MROH2B: variants seen among roughly 807,000 people sequenced by gnomAD.
MROH2B encodes maestro heat-like repeat-containing protein family member 2B.
Under a neutral mutation model 208.6 loss-of-function variants are expected in MROH2B, and 177 were observed. The observed-to-expected ratio is 0.85, with a 90% CI of 0.75 to 0.96. The LOEUF (loss-of-function observed/expected upper bound fraction) is 0.96. MROH2B is among the 40% of genes least tolerant of loss of function. The pLI, the probability that MROH2B is intolerant of heterozygous loss-of-function variation, is 0.00. For missense variants in MROH2B, 2,002 were observed against 1,878.7 expected (o/e 1.07, Z -1.21); for synonymous variants, 728 against 659.0 (o/e 1.10, Z -1.60).
intron 3 of MROH2B, among the ~76,000 whole-genome samples, 155 bp from the exon 4 acceptor site, chr5:41,065,645 AC>A (rs1743786052): frequency 6.6e-6 from 1 of 152,154 alleles, no homozygotes; most frequent in African/African-American, 2.4e-5. Flanking sequence ...ACATGGTTCA[AC>A]TGTGTAATGG....
intron 37 of MROH2B, among the ~76,000 whole-genome samples, chr5:41,003,739 A>G (rs1162978392): frequency 6.6e-6 from 1 of 152,216 alleles, no homozygotes; most frequent in African/African-American, 2.4e-5. Context: ...CTCCTCTGAC[A>G]ATACTACATG....
At chr5:41,029,655 T>A (rs545422942) in intron 24 of MROH2B, among the ~76,000 whole-genome samples, 58 of 152,000 alleles carry the variant, frequency 3.8e-4, no homozygotes, top group Non-Finnish European at 4.3e-4. Flanking sequence ...AATGTAAGAG[T>A]TAAAACTATT....
At chr5:41,054,579 G>T (rs906481387) in intron 11 of MROH2B, among the ~76,000 whole-genome samples, 188 bp downstream of exon 11, 1 of 152,096 alleles carries the variant, frequency 6.6e-6, no homozygotes, top group South Asian at 2.1e-4. Context: ...ACGTCCTTTA[G>T]CTGTGTGTAC....
chr5:41,001,806 A>G (rs1741408039), intron 37 of MROH2B, among the ~76,000 whole-genome samples: 1 of 152,152 alleles, frequency 6.6e-6, no homozygotes, highest in East Asian at 1.9e-4. Context: ...TACGTTTCAG[A>G]GTTCCGACAG....
chr5:41,024,094 A>C (rs1400607060), intron 24 of MROH2B, among the ~76,000 whole-genome samples: 1 of 152,232 alleles, frequency 6.6e-6, no homozygotes, highest in Non-Finnish European at 1.5e-5. Flanking sequence ...CAAATTGTAA[A>C]GACCATCAAG....
chr5:41,004,645 A>G, intron 36 of MROH2B, 117 bp from the exon 37 acceptor site: 1 of 1,513,184 alleles, frequency 6.6e-7, no homozygotes, highest in Non-Finnish European at 8.8e-7. Context: ...AGTTCAACCG[A>G]AGGACTACCA....
chr5:41,043,454 G>A (rs1169515268), intron 18 of MROH2B, among the ~76,000 whole-genome samples: 1 of 152,208 alleles, frequency 6.6e-6, no homozygotes, highest in African/African-American at 2.4e-5. Context: ...AAAGAATCTG[G>A]GAAAGTCTTG....
At chr5:41,062,286 C>T (rs929597409) in intron 5 of MROH2B, among the ~76,000 whole-genome samples, 1 of 152,048 alleles carries the variant, frequency 6.6e-6, no homozygotes, top group Non-Finnish European at 1.5e-5. Flanking sequence ...GCGATAACTC[C>T]ACAGAACAAC....
chr5:41,056,712 AGAT>A lies in MROH2B; in HGVS notation c.919+394_919+396del, dbSNP rs1476273955. Among the ~76,000 whole-genome samples the A allele has an allele frequency of 4.0e-5, 6 of 151,200 alleles. No individual in the cohort carries two copies. The East Asian group carries it at 1.2e-3, about 30-fold the overall frequency. On this transcript the variant is annotated intron_variant, in intron 9 of 41. Coordinates refer to ENST00000399564, the MANE Select transcript of MROH2B (RefSeq NM_173489.5). ...TGGTTAAAGAGGTGTAGACACTAAG[AGAT>A]GACCAGGAAGAGAAAAGGGTGACTT...
In MROH2B at chr5:41,015,425, C is replaced by T; in HGVS notation, c.2938G>A (p.Asp980Asn). ...LQGLQEGLES[D>N]DVQVQIKISS... ...ATCTTGATCTGAACCTGCACGTCAT[C>T]ACTTTCCAGCCCTTCCTGCAAACCC... Residue 980 changes from aspartate to asparagine, a missense_variant, in exon 29 of 42, where the codon GAT (aspartate) becomes AAT (asparagine). By Grantham distance (23) the Asp-to-Asn change is conservative. Transcript: ENST00000399564. 1.2e-6 allele frequency: 2 copies of T among 1,613,656 alleles called. No individual in the cohort carries two copies. The highest frequency in any genetic ancestry group is 1.7e-6 in the Non-Finnish European group (2 of 1,179,690).
chr5:41,070,729 A>G, intron 1 of MROH2B, 96 bp downstream of exon 1: 1 of 1,256,466 alleles, frequency 8.0e-7, no homozygotes. Context: ...TCCTCCCACA[A>G]TGACGCGCCA....
chr5:41,005,580 G>GT lies in MROH2B; in HGVS notation c.3814dup (p.Thr1272AsnfsTer17). 1.2e-6 allele frequency: 2 copies of GT among 1,611,514 alleles called. No individual in the cohort carries two copies. Among genetic ancestry groups the GT allele is most frequent in the Non-Finnish European group, 1.7e-6 (2 of 1,178,934 alleles). On this transcript the variant is annotated frameshift_variant, in exon 35 of 42. Transcript: ENST00000399564. LOFTEE classifies it high-confidence loss of function. ...TATCCGGTAGTTCTCCGAGGAGGAG[G>GT]TAAGAGATGAGAGCAGCTGTTCCAT... is the stretch of plus-strand genomic sequence containing the variant.
In MROH2B at chr5:41,061,805, T is replaced by C; in HGVS notation, c.461-81A>G. ...ATAAAATAATTTGAGAAGAGAGTGC[T>C]GATGATTAGTAAATATGTAATGGTT... On this transcript the variant is annotated intron_variant, in intron 5 of 41. Coordinates refer to ENST00000399564, the MANE Select transcript of MROH2B (RefSeq NM_173489.5). 5 of 1,394,800 alleles carry C rather than the reference T, an allele frequency of 3.6e-6. No homozygotes were observed. In the South Asian group the frequency reaches 5.9e-5, roughly 16 times the overall value. 86.4% of individuals were successfully genotyped at this position (1,394,800 alleles called of 1,614,324 possible).
intron 40 of MROH2B, among the ~76,000 whole-genome samples, 168 bp from the exon 41 acceptor site, chr5:40,998,845 T>C (rs903619082): frequency 1.3e-5 from 2 of 152,202 alleles, no homozygotes; most frequent in African/African-American, 4.8e-5. Context: ...GGGTGACTTC[T>C]ATTGGGTCCC....
At chr5:41,025,628 C>A (rs1742327037) in intron 24 of MROH2B, among the ~76,000 whole-genome samples, 1 of 152,162 alleles carries the variant, frequency 6.6e-6, no homozygotes, top group Non-Finnish European at 1.5e-5. Flanking sequence ...CGGTACCATT[C>A]CTTCTGAAAC....
At chr5:41,064,374 C>T (rs911912544) in intron 5 of MROH2B, 98 bp downstream of exon 5, 7 of 958,974 alleles carry the variant, frequency 7.3e-6, no homozygotes, top group Non-Finnish European at 1.1e-5. Flanking sequence ...TTCAAAAGGA[C>T]AAGATTGGAG....
intron 24 of MROH2B, among the ~76,000 whole-genome samples, chr5:41,026,327 C>A (rs1742358982): frequency 1.3e-5 from 2 of 152,216 alleles, no homozygotes; most frequent in South Asian, 2.1e-4. Flanking sequence ...TGATAAGCAA[C>A]TTCAGCAAAG....
intron 24 of MROH2B, among the ~76,000 whole-genome samples, chr5:41,019,859 G>A (rs1173577785): frequency 1.3e-5 from 2 of 152,132 alleles, no homozygotes; most frequent in East Asian, 1.9e-4. Flanking sequence ...TTTATGTATA[G>A]TAAGCTGCAT....
intron 13 of MROH2B, among the ~76,000 whole-genome samples, 158 bp downstream of exon 13, chr5:41,050,819 A>G (rs1280255735): frequency 6.6e-6 from 1 of 152,190 alleles, no homozygotes; most frequent in Non-Finnish European, 1.5e-5. Context: ...TTGAGGAACC[A>G]CTATGTGTTG....
Sources: allele counts gnomAD v4.1 joint callset (sites outside exome capture counted in the v4.1 genomes callset), GRCh38; gene constraint gnomAD v4.1.1; transcripts MANE v1.5; gene names NCBI Gene and HGNC (gene_info 2026-07-23, HGNC 2026-07-21).